Variants in HEMK2 observed in about 807,000 individuals in gnomAD.
HEMK2 encodes methyltransferase HEMK2.
the HEMK2 span, among the ~76,000 whole-genome samples, chr21:28,825,593 T>C: frequency 6.6e-6 from 1 of 152,154 alleles, no homozygotes; most frequent in South Asian, 2.1e-4. Context: ...CTTAAAGAAG[T>C]ATGACCAAGA....
the HEMK2 span, among the ~76,000 whole-genome samples, chr21:28,628,795 G>A: frequency 6.6e-6 from 1 of 152,320 alleles, no homozygotes; most frequent in South Asian, 2.1e-4. Context: ...TAGAACAAGT[G>A]AGCGTCACGT....
chr21:28,877,304 G>A, the HEMK2 span, among the ~76,000 whole-genome samples: 22,220 of 135,530 alleles, frequency 0.16, 2,142 homozygotes, highest in South Asian at 0.22. Context: ...AAGGAAGAGA[G>A]AGAGAAAGAG....
At chr21:28,858,964 G>A in the HEMK2 span, among the ~76,000 whole-genome samples, 1 of 152,176 alleles carries the variant, frequency 6.6e-6, no homozygotes, top group Non-Finnish European at 1.5e-5. Flanking sequence ...TCTTATTTGA[G>A]AAGACTCTGG....
At chr21:28,630,820 C>T in the HEMK2 span, among the ~76,000 whole-genome samples, 2 of 150,948 alleles carry the variant, frequency 1.3e-5, no homozygotes, top group Non-Finnish European at 1.5e-5. Context: ...AGGGGATACA[C>T]CTAATGCTAA....
At chr21:28,598,587 C>CTTATT in the HEMK2 span, among the ~76,000 whole-genome samples, 2 of 152,174 alleles carry the variant, frequency 1.3e-5, no homozygotes, top group Non-Finnish European at 2.9e-5. Flanking sequence ...TTTCTCTTAG[C>CTTATT]TTATTTTAAT....
At chr21:28,838,972 A>C in the HEMK2 span, among the ~76,000 whole-genome samples, 11 of 29,144 alleles carry the variant, frequency 3.8e-4, no homozygotes, top group African/African-American at 2.1e-3. Context: ...AAAAAAAAAA[A>C]ATATATATAT....
chr21:28,624,579 C>T, the HEMK2 span, among the ~76,000 whole-genome samples: 1 of 152,194 alleles, frequency 6.6e-6, no homozygotes, highest in African/African-American at 2.4e-5. Context: ...GGTCCCATCA[C>T]TGTCCTAAGA....
At chr21:28,882,963 T>G in the HEMK2 span, 1 of 1,467,732 alleles carries the variant, frequency 6.8e-7, no homozygotes, top group East Asian at 2.3e-5. Flanking sequence ...GTGGAAGATC[T>G]AGATGAATAT....
chr21:28,618,298 C>T, the HEMK2 span, among the ~76,000 whole-genome samples: 9 of 152,130 alleles, frequency 5.9e-5, no homozygotes, highest in Non-Finnish European at 7.4e-5. Context: ...GTTTTCATGA[C>T]TTACAACTGT....
chr21:28,601,475 C>T, the HEMK2 span, among the ~76,000 whole-genome samples: 1 of 152,176 alleles, frequency 6.6e-6, no homozygotes, highest in Non-Finnish European at 1.5e-5. Context: ...TGTAATCCTC[C>T]AGTCGAGACT....
chr21:28,629,450 C>A, the HEMK2 span, among the ~76,000 whole-genome samples: 1 of 152,166 alleles, frequency 6.6e-6, no homozygotes, highest in African/African-American at 2.4e-5. Flanking sequence ...CATTTTTCAT[C>A]CAAAATAGCC....
chr21:28,779,230 G>A, the HEMK2 span, among the ~76,000 whole-genome samples: 4 of 152,174 alleles, frequency 2.6e-5, no homozygotes, highest in African/African-American at 9.6e-5. Flanking sequence ...TCAATGGATG[G>A]ATGGATGGAT....
At chr21:28,831,734 G>GGAAGGAAGGAAAGAGAGAAA in the HEMK2 span, among the ~76,000 whole-genome samples, 52 of 13,650 alleles carry the variant, frequency 3.8e-3, 4 homozygotes, top group South Asian at 4.4e-3. Flanking sequence ...AAGGAAGGAA[G>GGAAGGAAGGAAAGAGAGAAA]GAAAGAAAGA....
the HEMK2 span, among the ~76,000 whole-genome samples, chr21:28,866,351 A>G: frequency 1.3e-5 from 2 of 151,742 alleles, no homozygotes; most frequent in Admixed American, 1.3e-4. Context: ...CGGGAGGCTG[A>G]GTCAGGAGAA....
At chr21:28,669,178 G>C in the HEMK2 span, among the ~76,000 whole-genome samples, 1 of 152,132 alleles carries the variant, frequency 6.6e-6, no homozygotes, top group Non-Finnish European at 1.5e-5. Flanking sequence ...GGTCAACATG[G>C]TGAAACCCTG....
At chr21:28,863,764 A>C in the HEMK2 span, among the ~76,000 whole-genome samples, 1 of 152,026 alleles carries the variant, frequency 6.6e-6, no homozygotes, top group South Asian at 2.1e-4. Flanking sequence ...GGACCGTAGA[A>C]ACTGTTCTTA....
chr21:28,672,043 C>T, the HEMK2 span, among the ~76,000 whole-genome samples: 5 of 152,104 alleles, frequency 3.3e-5, no homozygotes, highest in Non-Finnish European at 7.4e-5. Flanking sequence ...TTAAAGTACA[C>T]GTTGTTTTTC....
the HEMK2 span, among the ~76,000 whole-genome samples, chr21:28,733,332 T>C: frequency 1.3e-5 from 2 of 152,112 alleles, no homozygotes; most frequent in African/African-American, 2.4e-5. Flanking sequence ...GCAATATTGT[T>C]TACATGAATT....
the HEMK2 span, among the ~76,000 whole-genome samples, chr21:28,697,801 C>A: frequency 9.8e-4 from 78 of 79,438 alleles, no homozygotes; most frequent in African/African-American, 4.3e-3. Flanking sequence ...AAAAAAAAAT[C>A]TTTTCTTTAA....
Sources: allele counts gnomAD v4.1 joint callset (sites outside exome capture counted in the v4.1 genomes callset), GRCh38; gene constraint gnomAD v4.1.1; transcripts MANE v1.5; gene names NCBI Gene and HGNC (gene_info 2026-07-23, HGNC 2026-07-21).